The following LRRC8C variants were observed in gnomAD, a reference collection of about 807,000 sequenced individuals.
The protein encoded by LRRC8C is volume-regulated anion channel subunit LRRC8C.
LRRC8C carries 20 observed loss-of-function variants against 55.3 expected under a neutral mutation model. The ratio of observed to expected loss-of-function variants is 0.36; its 90% CI spans 0.25 to 0.53. The LOEUF (loss-of-function observed/expected upper bound fraction) is 0.53, where lower values mean the gene tolerates loss of function less well. LRRC8C is among the 20% of genes least tolerant of loss of function. LRRC8C has a pLI of 0.92. For synonymous variants in LRRC8C, 376 were observed against 360.7 expected (o/e 1.04, Z -0.48); for missense variants, 659 against 951.4 (o/e 0.69, Z 4.04).
intron 1 of LRRC8C, among the ~76,000 whole-genome samples, chr1:89,652,004 TGTAA>T (rs1274833967): frequency 1.3e-5 from 2 of 152,206 alleles, no homozygotes; most frequent in Non-Finnish European, 2.9e-5. Context: ...GAGAGGAGGT[TGTAA>T]GTAATATCAC....
Position 89,714,359 on chromosome 1 carries a change from G to A in LRRC8C, c.1789G>A (p.Val597Ile), listed in dbSNP as rs1434027963. The A allele has an allele frequency of 1.9e-6, 3 of 1,614,160 alleles. No homozygotes were observed. The highest frequency in any genetic ancestry group is 2.7e-5 in the African/African-American group (2 of 75,038). The change falls in exon 3 of 3, where the codon GTC (valine) becomes ATC (isoleucine). Residue 597 changes from valine (V) to isoleucine (I), a missense_variant. Val to Ile is a conservative substitution (Grantham distance 29). Transcript: ENST00000370454. This position sits in a 1 kb window ranked among gnomAD's most constrained non-coding sequence, Gnocchi z 4.6. ...GACCAATCTGACAGAGCTGGAGCTG[G>A]TCCACTGTGACCTGGAGCGTATTCC... ...KMTNLTELEL[V>I]HCDLERIPHA...
In LRRC8C at chr1:89,699,227, A is replaced by T. The variant is rs1301844177; in HGVS notation, c.138+12616A>T. 2.6e-5 allele frequency among the ~76,000 whole-genome samples: 4 copies of T among 152,190 alleles called. No individual in the cohort carries two copies. In the East Asian group the frequency reaches 7.7e-4, roughly 29 times the overall value. ...ATCAGTTGTTGCTTAGAAAGGACAAAGGAGGGGAGGGATAAGTAGGTATAG... is the reference window on the plus strand; with the variant it reads ...ATCAGTTGTTGCTTAGAAAGGACAATGGAGGGGAGGGATAAGTAGGTATAG... On this transcript the variant is annotated intron_variant, in intron 2 of 2. Coordinates refer to ENST00000370454, the MANE Select transcript of LRRC8C (RefSeq NM_032270.5).
intron 1 of LRRC8C, among the ~76,000 whole-genome samples, chr1:89,667,565 T>C (rs1657306683): frequency 6.6e-6 from 1 of 152,034 alleles, no homozygotes; most frequent in African/African-American, 2.4e-5. Context: ...AGGAAGAAAT[T>C]AAGGTAAAAT....
At position 89,717,066 on chromosome 1, in the gene LRRC8C, G is replaced by A. The variant is rs1040636833; in HGVS notation, c.*2084G>A. ...GAATAATAACATGGTTATAGTTCTT[G>A]TATGATAAAGTATTCAATTTCAGAA... On this transcript the variant is annotated 3_prime_UTR_variant, in exon 3 of 3. Coordinates refer to ENST00000370454, the MANE Select transcript of LRRC8C (RefSeq NM_032270.5). The A allele has an allele frequency of 2.0e-5, 3 of 152,162 alleles. No individual in the cohort carries two copies. Among genetic ancestry groups the A allele is most frequent in the Admixed American group, 2.0e-4 (3 of 15,270 alleles). The allele number at this position is 152,162 out of a possible 1,614,324, so 9.4% of individuals were successfully genotyped here. A position where few individuals can be genotyped will look rare whatever the true frequency, so the allele number is the denominator to read the frequency against.
chr1:89,638,535 A>G (rs1418153227), intron 1 of LRRC8C, among the ~76,000 whole-genome samples: 1 of 152,222 alleles, frequency 6.6e-6, no homozygotes, highest in Non-Finnish European at 1.5e-5. Context: ...TAAAATCACA[A>G]AAGTGCCATA....
intron 1 of LRRC8C, among the ~76,000 whole-genome samples, chr1:89,677,803 A>C (rs1181564316): frequency 6.6e-6 from 1 of 152,196 alleles, no homozygotes; most frequent in African/African-American, 2.4e-5. Context: ...GCTTCAGTGG[A>C]TTTTTCCAGA....
chr1:89,675,816 G>GA (rs1042491576), intron 1 of LRRC8C, among the ~76,000 whole-genome samples: 1 of 151,700 alleles, frequency 6.6e-6, no homozygotes, highest in African/African-American at 2.4e-5. Context: ...AGACAGAAAA[G>GA]AAAAAAAAGA....
intron 1 of LRRC8C, among the ~76,000 whole-genome samples, chr1:89,669,874 A>G (rs17441836): frequency 0.33 from 50,850 of 152,092 alleles, 9,937 homozygotes; most frequent in South Asian, 0.48. Context: ...GAGATTGGAC[A>G]TGGAAAATGT....
intron 2 of LRRC8C, among the ~76,000 whole-genome samples, chr1:89,694,852 T>G (rs905507029): frequency 5.3e-5 from 8 of 151,560 alleles, no homozygotes; most frequent in Non-Finnish European, 1.2e-4. Flanking sequence ...CCTCCCAAAG[T>G]GCTGGGAGCC....
Position 89,714,115 on chromosome 1 carries a change from T to C in LRRC8C, c.1545T>C (p.Asn515=). The change falls in exon 3 of 3, where the codon AAT becomes AAC. Residue 515 remains asparagine, a synonymous_variant. Coordinates refer to ENST00000370454, the MANE Select transcript of LRRC8C (RefSeq NM_032270.5). This position sits in a 1 kb window ranked among gnomAD's most constrained non-coding sequence, Gnocchi z 4.6. ...ELPPWMYGLR[N]LEELYLVGSL... is the part of the protein sequence containing the mutation. ...CCCCCTGGATGTATGGGCTCCGAAA[T>C]CTGGAAGAGCTGTACCTAGTTGGCT... The C allele has an allele frequency of 6.2e-7, 1 of 1,614,116 alleles. No individual in the cohort carries two copies.
intron 1 of LRRC8C, among the ~76,000 whole-genome samples, chr1:89,636,627 C>T (rs1309224875): frequency 3.2e-5 from 1 of 31,044 alleles, no homozygotes; most frequent in Non-Finnish European, 6.9e-5. Context: ...CCACACACCT[C>T]ACCCTTGACC....
At chr1:89,706,389 T>C in intron 2 of LRRC8C, 1 of 454,562 alleles carries the variant, frequency 2.2e-6, no homozygotes, top group East Asian at 6.9e-5. Context: ...CCTTTTCAAC[T>C]AGTTATCACA....
intron 1 of LRRC8C, among the ~76,000 whole-genome samples, chr1:89,648,143 A>C (rs10754284): frequency 0.56 from 84,772 of 152,094 alleles, 24,053 homozygotes; most frequent in East Asian, 0.79. Context: ...TTATGAAGAA[A>C]AAAATATGTT....
chr1:89,651,328 G>A (rs549575243), intron 1 of LRRC8C, among the ~76,000 whole-genome samples: 167 of 152,176 alleles, frequency 1.1e-3, no homozygotes, highest in Admixed American at 2.9e-3. Flanking sequence ...CAACACTTTG[G>A]GAGGCCAAGG....
chr1:89,690,577 AG>A (rs11349215), intron 2 of LRRC8C, among the ~76,000 whole-genome samples: 81,636 of 151,964 alleles, frequency 0.54, 23,604 homozygotes, highest in South Asian at 0.7. Context: ...AAAATCTTTT[AG>A]AATAAATAGT....
At chr1:89,648,720 A>G (rs1487069027) in intron 1 of LRRC8C, among the ~76,000 whole-genome samples, 1 of 152,172 alleles carries the variant, frequency 6.6e-6, no homozygotes, top group Non-Finnish European at 1.5e-5. Context: ...AAAAAGTAAC[A>G]TCTATGCATT....
chr1:89,634,723 T>C (rs1206527124), intron 1 of LRRC8C, among the ~76,000 whole-genome samples: 2 of 152,224 alleles, frequency 1.3e-5, no homozygotes, highest in Non-Finnish European at 2.9e-5. Context: ...ATAAACAATG[T>C]GTTGAGTGTG....
chr1:89,637,459 A>G lies in LRRC8C; in HGVS notation c.-5+4137A>G, dbSNP rs558538555. On this transcript the variant is annotated intron_variant, in intron 1 of 2. Transcript: ENST00000370454. ...TTAGCACAAGCAGAAGACCCACTAT[A>G]AATATGACTCACTATAAATATGAGG... Among the ~76,000 whole-genome samples, 7 of 151,330 alleles carry G rather than the reference A, an allele frequency of 4.6e-5. No homozygotes were observed. The East Asian group carries it at 9.9e-4, about 21-fold the overall frequency.
At chr1:89,685,940 G>A (rs1457577645) in intron 1 of LRRC8C, among the ~76,000 whole-genome samples, 1 of 151,832 alleles carries the variant, frequency 6.6e-6, no homozygotes, top group African/African-American at 2.4e-5. Context: ...CAAGGACCAC[G>A]TGGAAACACT....
Sources: gnomAD v4.1 joint callset for allele counts (sites outside exome capture counted in the v4.1 genomes callset) on GRCh38, gnomAD v4.1.1 for gene constraint, Gnocchi (gnomAD v3.1) non-coding constraint, MANE v1.5 for transcripts, NCBI Gene and HGNC (gene_info 2026-07-23, HGNC 2026-07-21) for gene names.